FAM81A: variants seen among roughly 807,000 people sequenced by gnomAD.
FAM81A encodes protein FAM81A.
FAM81A carries 19 observed loss-of-function variants against 46.7 expected under a neutral mutation model. The ratio of observed to expected loss-of-function variants is 0.41; its 90% CI spans 0.28 to 0.60. The LOEUF (loss-of-function observed/expected upper bound fraction) is 0.60, where lower values mean the gene tolerates loss of function less well. Ranked by LOEUF, FAM81A falls within the 20% of genes least tolerant of loss-of-function variation. FAM81A has a pLI of 0.34. For synonymous variants in FAM81A, 183 were observed against 152.9 expected (o/e 1.20, Z -1.45); for missense variants, 377 against 453.5 (o/e 0.83, Z 1.53).
At chr15:59,514,233 TAAAAAA>T (rs780714984) in intron 6 of FAM81A, 50 bp from the exon 7 acceptor site, 1 of 1,451,282 alleles carries the variant, frequency 6.9e-7, no homozygotes, top group Non-Finnish European at 9.2e-7. Context: ...GAACTTAAAA[TAAAAAA>T]AATAAAAAAT....
chr15:59,492,370 C>A lies in FAM81A; in HGVS notation c.394C>A (p.Leu132Ile), dbSNP rs1248379665. Residue 132 changes from leucine to isoleucine, a missense_variant, in exon 4 of 9, where the codon CTT becomes ATT. Leu to Ile is a conservative substitution (Grantham distance 5, BLOSUM62 2). Transcript: ENST00000288228. ...EMRQLSGLGD[L>I]RGRVARCDAS... ...GCGCCAGCTCTCCGGTTTGGGAGAT[C>A]TTCGAGGAAGAGTGGCAAGGTAGGT... 1.2e-6 allele frequency: 2 copies of A among 1,613,430 alleles called. No individual in the cohort carries two copies. Among genetic ancestry groups the A allele is most frequent in the Non-Finnish European group, 1.7e-6 (2 of 1,179,688 alleles).
chr15:59,433,832 T>C (rs2081231655), upstream of FAM81A, among the ~76,000 whole-genome samples: 1 of 152,214 alleles, frequency 6.6e-6, no homozygotes, highest in Non-Finnish European at 1.5e-5. Context: ...ATTTCTCTTA[T>C]TCGGTGAAAC....
intron 2 of FAM81A, among the ~76,000 whole-genome samples, chr15:59,419,369 C>G (rs2081160788): frequency 6.6e-6 from 1 of 152,116 alleles, no homozygotes; most frequent in Non-Finnish European, 1.5e-5. Flanking sequence ...CTCCCTGTTT[C>G]CTCCCTAGAA....
intron 3 of FAM81A, among the ~76,000 whole-genome samples, chr15:59,488,630 A>G (rs1162771235): frequency 6.6e-6 from 1 of 152,234 alleles, no homozygotes; most frequent in Non-Finnish European, 1.5e-5. Flanking sequence ...CCAATGGGGA[A>G]CAATCTGAAG....
chr15:59,432,694 C>T (rs2081225694), intron 2 of FAM81A, among the ~76,000 whole-genome samples: 1 of 152,122 alleles, frequency 6.6e-6, no homozygotes, highest in Non-Finnish European at 1.5e-5. Context: ...TAAAGTACTA[C>T]AAGTAAGCAT....
At chr15:59,501,290 C>T (rs1228461148) in intron 4 of FAM81A, among the ~76,000 whole-genome samples, 1 of 152,160 alleles carries the variant, frequency 6.6e-6, no homozygotes, top group Non-Finnish European at 1.5e-5. Context: ...TTGACTGTCT[C>T]TTTCCCTGAT....
chr15:59,468,693 T>A (rs1175756982), intron 3 of FAM81A, among the ~76,000 whole-genome samples: 2 of 151,876 alleles, frequency 1.3e-5, no homozygotes, highest in Non-Finnish European at 2.9e-5. Flanking sequence ...TTTTGAAGGG[T>A]TTTTTGTTTC....
At chr15:59,500,447 A>C (rs2082079580) in intron 4 of FAM81A, among the ~76,000 whole-genome samples, 2 of 151,702 alleles carry the variant, frequency 1.3e-5, no homozygotes, top group Non-Finnish European at 2.9e-5. Context: ...GTAGGCATGC[A>C]TCACCATGCC....
intron 1 of FAM81A, among the ~76,000 whole-genome samples, chr15:59,456,212 C>T (rs1351010461): frequency 6.6e-6 from 1 of 151,970 alleles, no homozygotes; most frequent in Non-Finnish European, 1.5e-5. Context: ...AGGGCATTTC[C>T]CATAGAGCGC....
At chr15:59,474,022 A>G (rs1367691108) in intron 3 of FAM81A, among the ~76,000 whole-genome samples, 4 of 152,126 alleles carry the variant, frequency 2.6e-5, no homozygotes, top group Admixed American at 1.3e-4. Flanking sequence ...TGGGCCACTG[A>G]TGCTATTTAA....
At chr15:59,490,708 T>A (rs535039761) in intron 3 of FAM81A, among the ~76,000 whole-genome samples, 83 of 152,264 alleles carry the variant, frequency 5.5e-4, no homozygotes, top group African/African-American at 1.9e-3. Context: ...TGGTGATGCA[T>A]GCCTGTAATC....
At chr15:59,447,611 C>T (rs1226622451) in intron 1 of FAM81A, among the ~76,000 whole-genome samples, 1 of 152,218 alleles carries the variant, frequency 6.6e-6, no homozygotes, top group African/African-American at 2.4e-5. Context: ...ATTGGTCTTT[C>T]CTTTGGCCTT....
upstream of FAM81A, among the ~76,000 whole-genome samples, chr15:59,436,900 G>A (rs545384862): frequency 3.6e-4 from 55 of 152,324 alleles, 2 homozygotes; most frequent in South Asian, 8.1e-3. Context: ...ATGAATGCTC[G>A]TCAGGCTCTA....
At chr15:59,453,418 G>A (rs1306043856) in intron 1 of FAM81A, among the ~76,000 whole-genome samples, 8 of 152,132 alleles carry the variant, frequency 5.3e-5, no homozygotes, top group East Asian at 1.9e-4. Context: ...CATGAGTACC[G>A]GCCCTTCTCA....
Position 59,449,058 on chromosome 15 carries a change from G to T in FAM81A, c.-77-9492G>T, listed in dbSNP as rs556696235. ...TTATCCAATAGCCATTTATAGAAAT[G>T]TTGCTATCTAGTTAAGATCACATAG... On this transcript the variant is annotated intron_variant, in intron 1 of 8. Coordinates refer to ENST00000288228, the MANE Select transcript of FAM81A (RefSeq NM_152450.3). 3.9e-5 allele frequency among the ~76,000 whole-genome samples: 6 copies of T among 152,300 alleles called. No individual in the cohort carries two copies. The East Asian group carries it at 9.6e-4, about 24-fold the overall frequency.
rs746531044 is a variant in FAM81A at position 59,492,311 on chromosome 15, A to T, written c.335A>T (p.Tyr112Phe). 2 of 1,613,794 alleles carry T rather than the reference A, an allele frequency of 1.2e-6. No individual in the cohort carries two copies. The highest frequency in any genetic ancestry group is 3.3e-5 in the Admixed American group (2 of 59,992). ...ATTCGTGCCCGGGACAACATTAGCT[A>T]TGGAACTAATTCTGCCTTAAAGACC... is the stretch of plus-strand genomic sequence containing the variant. ...EQIRARDNIS[Y>F]GTNSALKTLE... Residue 112 changes from tyrosine to phenylalanine, a missense_variant, in exon 4 of 9, where the codon TAT (tyrosine) becomes TTT (phenylalanine). Tyr to Phe is a conservative substitution (Grantham distance 22). Transcript: ENST00000288228.
At chr15:59,473,110 C>G (rs1359029115) in intron 3 of FAM81A, among the ~76,000 whole-genome samples, 1 of 152,152 alleles carries the variant, frequency 6.6e-6, no homozygotes, top group African/African-American at 2.4e-5. Context: ...TGATGGGGAT[C>G]AATAAGAATT....
intron 2 of FAM81A, among the ~76,000 whole-genome samples, chr15:59,403,307 T>C (rs1486793750): frequency 6.6e-6 from 1 of 151,694 alleles, no homozygotes; most frequent in East Asian, 1.9e-4. Flanking sequence ...GAAATTAAGG[T>C]TAAATGAGAC....
chr15:59,472,290 G>C lies in FAM81A; in HGVS notation c.294+12084G>C, dbSNP rs769874928. ...TCGGAGGTTGCTGCAGTGAGCCGTA[G>C]TCATGCCGGGGTACTCCAGCATGGG... On this transcript the variant is annotated intron_variant, in intron 3 of 8. Transcript: ENST00000288228. Among the ~76,000 whole-genome samples the C allele has an allele frequency of 9.3e-4, 142 of 152,080 alleles. 1 individual carries two copies. Among genetic ancestry groups the C allele is most frequent in the Non-Finnish European group, 1.7e-3 (116 of 68,020 alleles).
Sources: allele counts gnomAD v4.1 joint callset (sites outside exome capture counted in the v4.1 genomes callset), GRCh38; gene constraint gnomAD v4.1.1; transcripts MANE v1.5; gene names NCBI Gene and HGNC (gene_info 2026-07-23, HGNC 2026-07-21).